TMEM230: variants seen among roughly 807,000 people sequenced by gnomAD.
TMEM230 encodes transmembrane protein 230, also known as UPF0414 transmembrane protein C20orf30.
In TMEM230, 10 loss-of-function variants were observed where a neutral mutation model predicts 15.8. That is an observed-to-expected ratio of 0.63 (90% confidence interval 0.39 to 1.07). The LOEUF (loss-of-function observed/expected upper bound fraction) is 1.07, where lower values mean the gene tolerates loss of function less well. Ranked by LOEUF, TMEM230 falls within the 50% of genes least tolerant of loss-of-function variation. The pLI, the probability that TMEM230 is intolerant of heterozygous loss-of-function variation, is 0.01. For missense variants in TMEM230, 165 were observed against 193.3 expected, an observed-to-expected ratio of 0.85 and a Z score of 0.87; for synonymous variants, 67 against 76.9, an observed-to-expected ratio of 0.87 and a Z score of 0.68.
chr20:5,112,109 G>A (rs1449214521), intron 1 of TMEM230, among the ~76,000 whole-genome samples: 2 of 152,330 alleles, frequency 1.3e-5, no homozygotes, highest in Non-Finnish European at 2.9e-5. Flanking sequence ...CTCCCAAAGT[G>A]CTGGGATTAC....
intron 3 of TMEM230, among the ~76,000 whole-genome samples, chr20:5,094,226 G>C (rs1055208391): frequency 6.6e-6 from 1 of 151,162 alleles, no homozygotes; most frequent in South Asian, 2.1e-4. Context: ...CAAAGTGCTG[G>C]GATTACAGGC....
rs572100696 is a variant in TMEM230, at chr20:5,087,503, T to A, written c.223-18154A>T. On this transcript the variant is annotated intron_variant, in intron 3 of 3. Transcript: ENST00000612323. Reference sequence around the variant, plus strand: ...GTAAGGAAGGAGTAAGAGGACATATTTTTTTTTTTGAGACAGAGTCTCATT... The same window carrying A: ...GTAAGGAAGGAGTAAGAGGACATATATTTTTTTTTGAGACAGAGTCTCATT... Among the ~76,000 whole-genome samples, 132 of 148,422 alleles carry A rather than the reference T, an allele frequency of 8.9e-4. No homozygotes were observed. In the Middle Eastern group the frequency reaches 0.014, roughly 15 times the overall value.
chr20:5,063,815 A>AAATTTTTAT (rs11471667), downstream of TMEM230, among the ~76,000 whole-genome samples: 110,734 of 151,720 alleles, frequency 0.73, 41,770 homozygotes, highest in African/African-American at 0.91. Flanking sequence ...GTTAACTTGG[A>AAATTTTTAT]AAAATTTCTA....
intron 2 of TMEM230, among the ~76,000 whole-genome samples, chr20:5,110,359 A>T (rs1193955946): frequency 6.6e-6 from 1 of 150,450 alleles, no homozygotes; most frequent in African/African-American, 2.5e-5. Flanking sequence ...ATCTCCATTC[A>T]CTGCTGCCTC....
chr20:5,105,383 C>A (rs190827351), intron 4 of TMEM230, among the ~76,000 whole-genome samples: 1 of 152,068 alleles, frequency 6.6e-6, no homozygotes, highest in East Asian at 1.9e-4. Context: ...AATCCCAACA[C>A]TTTGGGAGGC....
At chr20:5,107,904 G>C (rs2090158746) in intron 3 of TMEM230, among the ~76,000 whole-genome samples, 1 of 151,700 alleles carries the variant, frequency 6.6e-6, no homozygotes. Flanking sequence ...TGGAGGTTAA[G>C]AGTTCGAGAC....
At chr20:5,091,697 A>C (rs184720443) in intron 3 of TMEM230, among the ~76,000 whole-genome samples, 3 of 148,422 alleles carry the variant, frequency 2.0e-5, no homozygotes, top group African/African-American at 7.4e-5. Flanking sequence ...AAACTTCTGG[A>C]GGATGGGCAT....
intron 3 of TMEM230, among the ~76,000 whole-genome samples, chr20:5,087,722 G>A (rs1323992374): frequency 8.2e-6 from 1 of 121,226 alleles, no homozygotes; most frequent in African/African-American, 3.1e-5. Flanking sequence ...TTTTTTTCCT[G>A]GGACTAGAAG....
At position 5,110,504 on chromosome 20, in the gene TMEM230, C is replaced by T. The variant is rs2090269273; in HGVS notation, c.174+996G>A. ...TTTACCACGTTGGCCAGGCTGGTCTCGAACTTCTGACCTCAAGTGTTCTGC... is the reference window on the plus strand; with the variant it reads ...TTTACCACGTTGGCCAGGCTGGTCTTGAACTTCTGACCTCAAGTGTTCTGC... On this transcript the variant is annotated intron_variant, in intron 2 of 4. Coordinates refer to ENST00000342308, the MANE Select transcript of TMEM230 (RefSeq NM_001009923.2). Among the ~76,000 whole-genome samples the T allele has an allele frequency of 2.0e-5, 3 of 152,132 alleles. No individual in the cohort carries two copies. In the South Asian group the frequency reaches 6.2e-4, roughly 32 times the overall value.
chr20:5,097,969 ATTTTTTTTTTT>A (rs5840073), downstream of TMEM230, among the ~76,000 whole-genome samples: 61 of 67,254 alleles, frequency 9.1e-4, 1 homozygote, highest in Non-Finnish European at 3.9e-4. Context: ...CTAACTCAGG[ATTTTTTTTTTT>A]TTTTTTTTTT....
At position 5,108,920 on chromosome 20, in the gene TMEM230, T is replaced by C. The variant is rs900801444; in HGVS notation, c.288+412A>G. 6.4e-4 allele frequency among the ~76,000 whole-genome samples: 98 copies of C among 152,268 alleles called. 1 individual carries two copies. The highest frequency in any genetic ancestry group is 2.3e-3 in the African/African-American group (94 of 41,544). On this transcript the variant is annotated intron_variant, in intron 3 of 4. Transcript: ENST00000342308. Reference sequence around the variant, plus strand: ...TCTGCTGGCTTTAGTAATAAGTTTCTCCCTTAAAAGGTGAACGGGCTTTGA... The same window carrying C: ...TCTGCTGGCTTTAGTAATAAGTTTCCCCCTTAAAAGGTGAACGGGCTTTGA...
chr20:5,098,939 G>T (rs946054153), downstream of TMEM230, among the ~76,000 whole-genome samples: 1 of 152,042 alleles, frequency 6.6e-6, no homozygotes, highest in South Asian at 2.1e-4. Flanking sequence ...AAGCTGGAGT[G>T]AATGTACACT....
At chr20:5,097,124 T>C (rs1432218453), downstream of TMEM230, among the ~76,000 whole-genome samples, 2 of 152,198 alleles carry the variant, frequency 1.3e-5, no homozygotes, top group African/African-American at 2.4e-5. Flanking sequence ...GAAAATAAAA[T>C]GGAACAATTC....
At chr20:5,062,599 C>CA in the TMEM230 span, among the ~76,000 whole-genome samples, 1 of 151,568 alleles carries the variant, frequency 6.6e-6, no homozygotes, top group Non-Finnish European at 1.5e-5. Context: ...CTACTAAAAA[C>CA]AAAAATACAA....
At chr20:5,071,422 C>T (rs773474968) in intron 3 of TMEM230, among the ~76,000 whole-genome samples, 32 of 151,824 alleles carry the variant, frequency 2.1e-4, no homozygotes, top group Non-Finnish European at 2.8e-4. Context: ...GTCAGGAATT[C>T]GAGACCAGCC....
chr20:5,086,265 C>T lies in TMEM230; in HGVS notation c.223-16916G>A, dbSNP rs1314990394. Among the ~76,000 whole-genome samples, 35 of 149,060 alleles carry T rather than the reference C, an allele frequency of 2.3e-4. 2 individuals are homozygous for T. The South Asian group carries it at 5.3e-3, about 23-fold the overall frequency. ...AAAAAAAAAAAGTATTGGCCAGCCA[C>T]GGTGGCTCACGCCTGTAATCCCAGC... On this transcript the variant is annotated intron_variant, in intron 3 of 3. Transcript: ENST00000612323.
chr20:5,101,060 C>A, intron 4 of TMEM230, 129 bp from the exon 4 acceptor site: 2 of 1,147,184 alleles, frequency 1.7e-6, no homozygotes, highest in Admixed American at 3.5e-5. Context: ...TTGTATACCA[C>A]CAAGGGAAAA....
At chr20:5,069,285 C>T in exon 4 of TMEM230, 6 of 1,535,960 alleles carry the variant, frequency 3.9e-6, no homozygotes, top group Non-Finnish European at 5.2e-6. Context: ...CATCATGTAC[C>T]CACGGGATGC....
downstream of TMEM230, chr20:5,066,003 T>C (rs2088648778): frequency 6.6e-6 from 1 of 152,422 alleles, no homozygotes; most frequent in Non-Finnish European, 1.5e-5. Flanking sequence ...GTTCCCGGTT[T>C]TGGCATGCTG....
Sources: gnomAD v4.1 joint callset for allele counts (sites outside exome capture counted in the v4.1 genomes callset) on GRCh38, gnomAD v4.1.1 for gene constraint, MANE v1.5 for transcripts, NCBI Gene and HGNC (gene_info 2026-07-23, HGNC 2026-07-21) for gene names.